PALLD: variants seen among roughly 807,000 people sequenced by gnomAD.
PALLD encodes palladin, cytoskeletal associated protein.
Under a neutral mutation model 123.5 loss-of-function variants are expected in PALLD, and 61 were observed. The observed-to-expected ratio is 0.49, with a 90% CI of 0.40 to 0.61. PALLD has a LOEUF of 0.61. Among genes scored for constraint, PALLD ranks in the 20% least tolerant of loss-of-function variants. The pLI, the probability that PALLD is intolerant of heterozygous loss-of-function variation, is 0.00. For synonymous variants in PALLD, 465 were observed against 496.4 expected (o/e 0.94, Z 0.84); for missense variants, 1,273 against 1,377.0 (o/e 0.92, Z 1.20).
intron 10 of PALLD, among the ~76,000 whole-genome samples, chr4:168,791,729 T>C (rs1581488168): frequency 1.3e-5 from 2 of 152,192 alleles, no homozygotes; most frequent in Admixed American, 1.3e-4. Context: ...GATTATCTGA[T>C]TGAAATAATT....
chr4:168,720,566 A>G (rs901421925), intron 10 of PALLD, among the ~76,000 whole-genome samples: 1 of 152,226 alleles, frequency 6.6e-6, no homozygotes. Context: ...TAAGGAACAT[A>G]GGAGTAGTCA....
intron 2 of PALLD, among the ~76,000 whole-genome samples, chr4:168,539,229 G>C (rs768318954): frequency 2.0e-5 from 3 of 152,118 alleles, no homozygotes; most frequent in Non-Finnish European, 4.4e-5. Flanking sequence ...TGTCAGCTAG[G>C]AAATGATACA....
Position 168,549,780 on chromosome 4 carries a change from A to C in PALLD, c.908+37368A>C, listed in dbSNP as rs556578006. ...AATAGTTCAAGGAACAAGAACCACA[A>C]AAAAAAAATGAGAGTTAGAATTGAA... On this transcript the variant is annotated intron_variant, in intron 2 of 21. Coordinates refer to ENST00000505667, the MANE Select transcript of PALLD (RefSeq NM_001166108.2). Among the ~76,000 whole-genome samples the C allele has an allele frequency of 1.2e-4, 18 of 151,354 alleles. No individual in the cohort carries two copies. In the East Asian group the frequency reaches 2.7e-3, roughly 23 times the overall value.
intron 10 of PALLD, among the ~76,000 whole-genome samples, chr4:168,839,566 G>A (rs1745716455): frequency 1.3e-5 from 2 of 151,200 alleles, no homozygotes; most frequent in Admixed American, 1.3e-4. Flanking sequence ...AGTGGTGTTG[G>A]TGGGATGGGA....
At chr4:168,755,592 G>A (rs1337013554) in intron 10 of PALLD, among the ~76,000 whole-genome samples, 2 of 152,172 alleles carry the variant, frequency 1.3e-5, no homozygotes, top group East Asian at 3.8e-4. Context: ...AATGCATGAT[G>A]AGAAGCCACA....
At chr4:168,703,151 A>G (rs1561420222) in intron 8 of PALLD, among the ~76,000 whole-genome samples, 1 of 145,328 alleles carries the variant, frequency 6.9e-6, no homozygotes, top group Non-Finnish European at 1.5e-5. Flanking sequence ...GAGTGAGAAT[A>G]TGCGGTGTTT....
chr4:168,522,782 T>C (rs771192567), intron 2 of PALLD, among the ~76,000 whole-genome samples: 3 of 152,242 alleles, frequency 2.0e-5, no homozygotes, highest in Non-Finnish European at 4.4e-5. Flanking sequence ...TTCTTTCCTA[T>C]TTAATTTTAA....
intron 2 of PALLD, among the ~76,000 whole-genome samples, chr4:168,524,622 T>G (rs1763875064): frequency 6.6e-6 from 1 of 152,194 alleles, no homozygotes; most frequent in Admixed American, 6.5e-5. Flanking sequence ...TATACTCTAC[T>G]GCCATAACCC....
intron 2 of PALLD, among the ~76,000 whole-genome samples, chr4:168,551,732 C>T (rs556820556): frequency 1.3e-5 from 2 of 151,412 alleles, no homozygotes; most frequent in Non-Finnish European, 2.9e-5. Context: ...GTATTTAGAG[C>T]AGCTTGTCCA....
chr4:168,865,975 T>C (rs1031445513), intron 10 of PALLD, among the ~76,000 whole-genome samples: 17 of 152,060 alleles, frequency 1.1e-4, no homozygotes, highest in African/African-American at 4.1e-4. Flanking sequence ...GGGCTGTCGG[T>C]GATTTAAAAA....
chr4:168,610,032 T>A (rs896343389), intron 2 of PALLD, among the ~76,000 whole-genome samples: 14 of 152,230 alleles, frequency 9.2e-5, no homozygotes, highest in African/African-American at 3.1e-4. Flanking sequence ...ATTTATGATA[T>A]TTGTTCCAAT....
intron 10 of PALLD, among the ~76,000 whole-genome samples, chr4:168,744,497 A>ACTCCAGT (rs11283433): frequency 0.56 from 84,020 of 151,280 alleles, 23,599 homozygotes; most frequent in African/African-American, 0.64. Flanking sequence ...GAAAAACAGA[A>ACTCCAGT]CTCATGGTCT....
intron 2 of PALLD, among the ~76,000 whole-genome samples, chr4:168,534,801 G>A (rs555043163): frequency 5.3e-5 from 8 of 152,182 alleles, no homozygotes; most frequent in African/African-American, 1.9e-4. Flanking sequence ...ATCCTCTATA[G>A]CTACTAGAAC....
chr4:168,568,334 G>T (rs952856057), intron 2 of PALLD, among the ~76,000 whole-genome samples: 2 of 151,878 alleles, frequency 1.3e-5, no homozygotes, highest in South Asian at 4.2e-4. Flanking sequence ...TTTTCTCATG[G>T]TATTGGGTAC....
At chr4:168,566,248 A>C (rs1034292284) in intron 2 of PALLD, among the ~76,000 whole-genome samples, 1 of 152,154 alleles carries the variant, frequency 6.6e-6, no homozygotes, top group African/African-American at 2.4e-5. Flanking sequence ...CAATTCTTTC[A>C]GTTTTTCACA....
chr4:168,635,931 C>T (rs905373717), intron 2 of PALLD, among the ~76,000 whole-genome samples: 1 of 152,194 alleles, frequency 6.6e-6, no homozygotes, highest in Non-Finnish European at 1.5e-5. Context: ...AATCAAACTA[C>T]ATTGGAATTG....
At chr4:168,688,614 C>T (rs1782312055) in intron 6 of PALLD, among the ~76,000 whole-genome samples, 3 of 152,122 alleles carry the variant, frequency 2.0e-5, no homozygotes, top group Admixed American at 6.5e-5. Flanking sequence ...GTTATGTTCC[C>T]GAAGGTTCTC....
intron 2 of PALLD, among the ~76,000 whole-genome samples, chr4:168,556,810 G>A (rs1218297650): frequency 2.0e-5 from 3 of 152,210 alleles, no homozygotes; most frequent in Non-Finnish European, 4.4e-5. Flanking sequence ...GGGCTGCCCC[G>A]ATGTCTCTTT....
At chr4:168,543,694 C>T (rs893387240) in intron 2 of PALLD, among the ~76,000 whole-genome samples, 2 of 152,236 alleles carry the variant, frequency 1.3e-5, no homozygotes, top group Non-Finnish European at 2.9e-5. Flanking sequence ...CTTCCCACAA[C>T]CAGCCAAGCT....
Sources: allele counts gnomAD v4.1 joint callset (sites outside exome capture counted in the v4.1 genomes callset), GRCh38; gene constraint gnomAD v4.1.1; transcripts MANE v1.5; gene names NCBI Gene and HGNC (gene_info 2026-07-23, HGNC 2026-07-21).